Variants in SV2C observed in about 807,000 individuals in gnomAD.
The protein encoded by SV2C is solute carrier family 22 member B3.
A neutral mutation model predicts 79.7 loss-of-function variants in SV2C; 49 were observed. The ratio of observed to expected loss-of-function variants is 0.61; its 90% CI spans 0.49 to 0.78. The LOEUF (loss-of-function observed/expected upper bound fraction) is 0.78. SV2C is among the 30% of genes least tolerant of loss of function. The pLI is 0.00. For missense variants in SV2C, 833 were observed against 912.9 expected (o/e 0.91, Z 1.13); for synonymous variants, 334 against 333.2 (o/e 1.00, Z -0.03).
In SV2C at chr5:76,301,388, G is replaced by A. The variant is rs772962809; in HGVS notation, c.1843G>A (p.Gly615Ser). 14 of 1,613,698 alleles carry A rather than the reference G, an allele frequency of 8.7e-6. No homozygotes were observed. The highest frequency in any genetic ancestry group is 6.7e-5 in the Admixed American group (4 of 59,992). The change falls in exon 12 of 13, where the codon GGC (glycine) becomes AGC (serine). Residue 615 changes from glycine (G) to serine (S), a missense_variant and splice_region_variant. Transcript: ENST00000502798. ...CCTTTTGTCTGCATTGTTGGCAGGT[G>A]GCTCTATGGTGCTTTCGGGGATCAG... The part of the protein sequence containing the change: ...DRIGRLTMLG[G>S]SMVLSGISCF...
intron 2 of SV2C, among the ~76,000 whole-genome samples, chr5:76,157,014 A>G (rs777314381): frequency 1.7e-4 from 26 of 152,234 alleles, no homozygotes; most frequent in African/African-American, 4.8e-4. Flanking sequence ...GCTTTTCATT[A>G]TTTCCAGGCT....
At chr5:75,923,448 C>T in the SV2C span, among the ~76,000 whole-genome samples, 1 of 152,100 alleles carries the variant, frequency 6.6e-6, no homozygotes, top group African/African-American at 2.4e-5. Flanking sequence ...AGAAGCTCTG[C>T]ACAGCAAAAG....
the SV2C span, among the ~76,000 whole-genome samples, chr5:76,049,157 G>T: frequency 1.3e-5 from 2 of 151,792 alleles, no homozygotes; most frequent in Non-Finnish European, 2.9e-5. Context: ...CTAACATGAT[G>T]AAACACCCGT....
At chr5:75,858,587 T>G in the SV2C span, among the ~76,000 whole-genome samples, 1 of 152,128 alleles carries the variant, frequency 6.6e-6, no homozygotes, top group South Asian at 2.1e-4. Flanking sequence ...GTGTCTTTGG[T>G]TTTGGTATCA....
At chr5:75,974,461 C>G in the SV2C span, among the ~76,000 whole-genome samples, 1 of 152,074 alleles carries the variant, frequency 6.6e-6, no homozygotes, top group Middle Eastern at 3.2e-3. Context: ...ATACCATTAT[C>G]TCAGGTTGTC....
At chr5:75,975,686 T>C in the SV2C span, among the ~76,000 whole-genome samples, 12 of 152,194 alleles carry the variant, frequency 7.9e-5, no homozygotes, top group Admixed American at 2.0e-4. Context: ...CCTGTTTTAA[T>C]GATGCTTTAT....
At chr5:75,951,282 T>C in the SV2C span, among the ~76,000 whole-genome samples, 1 of 152,014 alleles carries the variant, frequency 6.6e-6, no homozygotes, top group South Asian at 2.1e-4. Flanking sequence ...TGTTTTCCAA[T>C]TGAGTGCAAA....
chr5:75,934,253 T>A, the SV2C span, among the ~76,000 whole-genome samples: 1 of 152,036 alleles, frequency 6.6e-6, no homozygotes, highest in Non-Finnish European at 1.5e-5. Context: ...CAAATGACAT[T>A]GCTTTATTTT....
the SV2C span, among the ~76,000 whole-genome samples, chr5:76,051,889 A>T: frequency 6.6e-6 from 1 of 152,254 alleles, no homozygotes; most frequent in Non-Finnish European, 1.5e-5. Context: ...TAATTGAAAA[A>T]GTAAACTTGT....
Position 76,196,392 on chromosome 5 carries a change from C to T in SV2C, c.761+1293C>T, listed in dbSNP as rs140145111. ...GAATCAATCATTTGCTTTGTAGCAA[C>T]GGAGAAAGGGGAGAGGAGGCTTTTT... On this transcript the variant is annotated intron_variant, in intron 3 of 12. Transcript: ENST00000502798. 3.1e-3 allele frequency among the ~76,000 whole-genome samples: 472 copies of T among 152,260 alleles called. 3 individuals carry two copies. Among genetic ancestry groups the T allele is most frequent in the African/African-American group, 6.5e-3 (269 of 41,556 alleles).
chr5:75,997,952 C>A, the SV2C span, among the ~76,000 whole-genome samples: 2 of 150,594 alleles, frequency 1.3e-5, no homozygotes, highest in African/African-American at 4.9e-5. Flanking sequence ...AAATGTCCAA[C>A]AATGATAGAC....
At chr5:76,287,016 G>A (rs1164496724) in intron 6 of SV2C, among the ~76,000 whole-genome samples, 1 of 152,054 alleles carries the variant, frequency 6.6e-6, no homozygotes, top group East Asian at 1.9e-4. Flanking sequence ...GACAACCAAA[G>A]CAAAGGATAA....
Position 76,131,670 on chromosome 5 carries a change from G to A in SV2C, c.-81G>A. Reference sequence around the variant, plus strand: ...CGCAGTTCTGTTTTGAACCCAAAGTGGATGATGCTGTCAGAGCTGAACCAC... The same window carrying A: ...CGCAGTTCTGTTTTGAACCCAAAGTAGATGATGCTGTCAGAGCTGAACCAC... On this transcript the variant is annotated 5_prime_UTR_variant, in exon 2 of 13. Coordinates refer to ENST00000502798, the MANE Select transcript of SV2C (RefSeq NM_014979.4). 8.3e-7 allele frequency: 1 copy of A among 1,202,724 alleles called. No homozygotes were observed. 74.5% of individuals were successfully genotyped at this position (1,202,724 alleles called of 1,614,324 possible).
At chr5:76,335,570 C>G (rs1749299897), downstream of SV2C, among the ~76,000 whole-genome samples, 1 of 151,886 alleles carries the variant, frequency 6.6e-6, no homozygotes, top group Non-Finnish European at 1.5e-5. Flanking sequence ...ACCCTGCGGC[C>G]CTCCGCAGTG....
the SV2C span, among the ~76,000 whole-genome samples, chr5:75,901,389 G>A: frequency 6.6e-6 from 1 of 152,168 alleles, no homozygotes; most frequent in South Asian, 2.1e-4. Flanking sequence ...AGTGGTGGCT[G>A]CAGAACAATG....
intron 2 of SV2C, among the ~76,000 whole-genome samples, chr5:76,143,195 G>C (rs530587274): frequency 6.6e-6 from 1 of 151,836 alleles, no homozygotes; most frequent in East Asian, 1.9e-4. Context: ...CGCCTGGCTG[G>C]CCTCTTCAAT....
At chr5:76,146,019 T>A (rs768387029) in intron 2 of SV2C, among the ~76,000 whole-genome samples, 35 of 152,206 alleles carry the variant, frequency 2.3e-4, no homozygotes, top group Non-Finnish European at 4.3e-4. Flanking sequence ...GGGGTTCATG[T>A]GGAAATGAAA....
At chr5:75,885,911 A>G in the SV2C span, among the ~76,000 whole-genome samples, 1 of 152,170 alleles carries the variant, frequency 6.6e-6, no homozygotes, top group African/African-American at 2.4e-5. Flanking sequence ...TGAGGAAAAG[A>G]GAGTTGCTGC....
Position 76,256,883 on chromosome 5 carries a change from G to A in SV2C, c.914-28279G>A, listed in dbSNP as rs201528518. Among the ~76,000 whole-genome samples, 60 of 152,306 alleles carry A rather than the reference G, an allele frequency of 3.9e-4. No homozygotes were observed. In the East Asian group the frequency reaches 8.7e-3, roughly 22 times the overall value. ...AACTTGTTAAACAGACTTAATGAAC[G>A]AGTTCCTCTTGATCGGGGTTGTAAG... On this transcript the variant is annotated intron_variant, in intron 4 of 12. Coordinates refer to ENST00000502798, the MANE Select transcript of SV2C (RefSeq NM_014979.4).
Sources: allele counts gnomAD v4.1 joint callset (sites outside exome capture counted in the v4.1 genomes callset), GRCh38; gene constraint gnomAD v4.1.1; transcripts MANE v1.5; gene names NCBI Gene and HGNC (gene_info 2026-07-23, HGNC 2026-07-21).